NEGR1: variants seen among roughly 807,000 people sequenced by gnomAD.
NEGR1 encodes IgLON family member 4.
In NEGR1, 10 loss-of-function variants were observed where a neutral mutation model predicts 40.9. That is an observed-to-expected ratio of 0.24 (90% CI 0.15 to 0.42). NEGR1 has a LOEUF of 0.42. Among genes scored for constraint, NEGR1 ranks in the 10% least tolerant of loss-of-function variants. NEGR1 has a pLI of 1.00. For missense variants in NEGR1, 352 were observed against 438.9 expected (o/e 0.80, Z 1.77); for synonymous variants, 185 against 166.8 (o/e 1.11, Z -0.84).
chr1:71,894,960 ATAC>A (rs1329993621), intron 2 of NEGR1, among the ~76,000 whole-genome samples: 1 of 152,090 alleles, frequency 6.6e-6, no homozygotes, highest in African/African-American at 2.4e-5. Context: ...GAAAGAATCC[ATAC>A]TATGAAATAA....
chr1:72,173,280 T>C (rs1343319361), intron 1 of NEGR1, among the ~76,000 whole-genome samples: 2 of 90,638 alleles, frequency 2.2e-5, no homozygotes, highest in East Asian at 1.2e-3. Flanking sequence ...AGTGCTAGGA[T>C]TACAGGCATG....
At chr1:71,599,179 A>G (rs546222669) in intron 5 of NEGR1, among the ~76,000 whole-genome samples, 1 of 152,358 alleles carries the variant, frequency 6.6e-6, no homozygotes, top group African/African-American at 2.4e-5. Context: ...ATGTACATAT[A>G]TGCCAAATGC....
In NEGR1 at chr1:71,446,820, C is replaced by A. The variant is rs190462962; in HGVS notation, c.941-39250G>T. Among the ~76,000 whole-genome samples the A allele has an allele frequency of 2.6e-5, 4 of 152,256 alleles. No individual in the cohort carries two copies. The East Asian group carries it at 7.7e-4, about 29-fold the overall frequency. On this transcript the variant is annotated intron_variant, in intron 6 of 6. Transcript: ENST00000357731. The stretch of plus-strand genomic sequence containing the variant: ...TCCCCCTTCTAGTAACTAGCCTCAT[C>A]GATAAGAGTAACCATTATGTTGACT...
At chr1:72,136,916 C>T (rs185107410) in intron 1 of NEGR1, among the ~76,000 whole-genome samples, 3 of 152,126 alleles carry the variant, frequency 2.0e-5, no homozygotes, top group Admixed American at 6.6e-5. Flanking sequence ...ACAAACAACC[C>T]CATCAAAAAG....
At chr1:71,520,425 T>C (rs1288347564) in intron 6 of NEGR1, among the ~76,000 whole-genome samples, 1 of 152,076 alleles carries the variant, frequency 6.6e-6, no homozygotes, top group Non-Finnish European at 1.5e-5. Flanking sequence ...GCAAACTCAG[T>C]TGCATTTTGT....
Position 71,542,714 on chromosome 1 carries a change from G to T in NEGR1, c.940+50103C>A, listed in dbSNP as rs573160148. Among the ~76,000 whole-genome samples the T allele has an allele frequency of 2.0e-5, 3 of 151,802 alleles. No homozygotes were observed. The South Asian group carries it at 6.2e-4, about 31-fold the overall frequency. On this transcript the variant is annotated intron_variant, in intron 6 of 6. Coordinates refer to ENST00000357731, the MANE Select transcript of NEGR1 (RefSeq NM_173808.3). ...ACATTACTCTAAATATGACAAATCA[G>T]CAAGAGCCAAGTGTTTTTAGCAATA...
intron 5 of NEGR1, among the ~76,000 whole-genome samples, chr1:71,597,438 C>CTG: frequency 4.6e-5 from 1 of 21,788 alleles, no homozygotes; most frequent in Admixed American, 5.3e-4. Flanking sequence ...ATATGTCTCT[C>CTG]TCTCTCTCTC....
At chr1:72,163,104 G>A (rs1326427580) in intron 1 of NEGR1, among the ~76,000 whole-genome samples, 2 of 152,054 alleles carry the variant, frequency 1.3e-5, no homozygotes, top group African/African-American at 4.8e-5. Flanking sequence ...TTGGAAAAGG[G>A]ATTATAAAGA....
chr1:71,701,492 C>T (rs2101632288), intron 3 of NEGR1, among the ~76,000 whole-genome samples: 1 of 152,110 alleles, frequency 6.6e-6, no homozygotes, highest in East Asian at 1.9e-4. Context: ...AACTCTCTGA[C>T]CACTCTACTG....
chr1:71,993,849 A>T (rs1347202175), intron 1 of NEGR1, among the ~76,000 whole-genome samples: 2 of 152,198 alleles, frequency 1.3e-5, no homozygotes, highest in Non-Finnish European at 2.9e-5. Flanking sequence ...TCTTAACCAC[A>T]GTTTCTACTT....
chr1:72,274,935 G>C lies in NEGR1; in HGVS notation c.176+7384C>G. ...GAAAGTCAGATATCTACGTCTGCAT[G>C]ATCTCCTTTGCGCACGATGTAGCAG... is the stretch of plus-strand genomic sequence containing the variant. On this transcript the variant is annotated intron_variant, in intron 1 of 6. Transcript: ENST00000357731. 4 of 1,551,540 alleles carry C rather than the reference G, an allele frequency of 2.6e-6. No homozygotes were observed. In the Admixed American group the frequency reaches 6.7e-5, roughly 26 times the overall value.
chr1:72,274,248 C>T (rs1036111648), intron 1 of NEGR1, among the ~76,000 whole-genome samples: 5 of 151,998 alleles, frequency 3.3e-5, no homozygotes, highest in African/African-American at 1.2e-4. Flanking sequence ...CAAATGACTC[C>T]CTATTGTCTG....
chr1:71,474,443 G>GTGGGTGGATCATT (rs1646805274), intron 6 of NEGR1, among the ~76,000 whole-genome samples: 1 of 150,964 alleles, frequency 6.6e-6, no homozygotes, highest in Non-Finnish European at 1.5e-5. Context: ...GGAGGTCGAG[G>GTGGGTGGATCATT]TGGGTGGATC....
chr1:71,606,174 T>C (rs1650069161), intron 5 of NEGR1, among the ~76,000 whole-genome samples: 1 of 152,214 alleles, frequency 6.6e-6, no homozygotes, highest in Non-Finnish European at 1.5e-5. Flanking sequence ...CTTCTGAAAC[T>C]AGGTTATAAA....
At chr1:71,480,080 T>G (rs1031513792) in intron 6 of NEGR1, among the ~76,000 whole-genome samples, 1 of 152,062 alleles carries the variant, frequency 6.6e-6, no homozygotes, top group African/African-American at 2.4e-5. Flanking sequence ...GTTGATAAAT[T>G]ACATTTCAAC....
chr1:71,850,560 G>A (rs1186193530), intron 2 of NEGR1, among the ~76,000 whole-genome samples: 1 of 152,108 alleles, frequency 6.6e-6, no homozygotes, highest in Non-Finnish European at 1.5e-5. Flanking sequence ...TTTCTGCTAA[G>A]TAAATGAGTA....
At chr1:71,832,347 G>A (rs1378391040) in intron 2 of NEGR1, among the ~76,000 whole-genome samples, 1 of 152,002 alleles carries the variant, frequency 6.6e-6, no homozygotes, top group African/African-American at 2.4e-5. Flanking sequence ...GAGATACAAA[G>A]CTGAAAGGAA....
chr1:72,142,801 A>G (rs1650738351), intron 1 of NEGR1, among the ~76,000 whole-genome samples: 1 of 151,656 alleles, frequency 6.6e-6, no homozygotes, highest in Non-Finnish European at 1.5e-5. Flanking sequence ...ATGAAACCCT[A>G]TTCCTTTTCT....
At chr1:71,948,482 C>CGT (rs148586765) in intron 1 of NEGR1, among the ~76,000 whole-genome samples, 40,408 of 146,120 alleles carry the variant, frequency 0.28, 6,101 homozygotes, top group East Asian at 0.52. Context: ...TCAAAAGGGG[C>CGT]GTGTGTGTGT....
Sources: allele counts gnomAD v4.1 joint callset (sites outside exome capture counted in the v4.1 genomes callset), GRCh38; gene constraint gnomAD v4.1.1; transcripts MANE v1.5; gene names NCBI Gene and HGNC (gene_info 2026-07-23, HGNC 2026-07-21).